MYO9B: variants seen among roughly 807,000 people sequenced by gnomAD.
MYO9B encodes unconventional myosin-IXb.
MYO9B carries 71 observed loss-of-function variants against 229.5 expected under a neutral mutation model. That is an observed-to-expected ratio of 0.31 (90% CI 0.26 to 0.38). The LOEUF is 0.38. MYO9B is among the 10% of genes least tolerant of loss of function. MYO9B has a pLI of 1.00. For synonymous variants in MYO9B, 1,185 were observed against 1,235.8 expected (o/e 0.96, Z 0.86); for missense variants, 2,255 against 2,920.5 (o/e 0.77, Z 5.25).
intron 1 of MYO9B, among the ~76,000 whole-genome samples, chr19:17,092,211 C>G (rs1223104062): frequency 6.6e-6 from 1 of 152,192 alleles, no homozygotes; most frequent in African/African-American, 2.4e-5. Context: ...TAGGCATATC[C>G]CAGTGAGTTT....
chr19:17,163,832 A>G lies in MYO9B; in HGVS notation c.1671+710A>G, dbSNP rs565039692. On this transcript the variant is annotated intron_variant, in intron 10 of 39. Coordinates refer to ENST00000682292, the MANE Select transcript of MYO9B (RefSeq NM_004145.4). ...ATTTCCTTCCTTTTCAAGGCTGAGTAATATTCCATTTTCTGGATGTACCAC... is the reference window on the plus strand; with the variant it reads ...ATTTCCTTCCTTTTCAAGGCTGAGTGATATTCCATTTTCTGGATGTACCAC... 2.0e-5 allele frequency among the ~76,000 whole-genome samples: 3 copies of G among 152,306 alleles called. No homozygotes were observed. The South Asian group carries it at 6.2e-4, about 32-fold the overall frequency.
At chr19:17,153,412 A>C (rs975817983) in intron 4 of MYO9B, among the ~76,000 whole-genome samples, 7 of 149,976 alleles carry the variant, frequency 4.7e-5, no homozygotes, top group African/African-American at 1.7e-4. Context: ...AAAGGCCTGG[A>C]GCAGTGGCTC....
At chr19:17,078,398 G>A (rs1227197035) in intron 1 of MYO9B, among the ~76,000 whole-genome samples, 1 of 152,096 alleles carries the variant, frequency 6.6e-6, no homozygotes, top group Non-Finnish European at 1.5e-5. Flanking sequence ...AAATTAGCCC[G>A]GCGTGGTGAT....
chr19:17,112,190 G>A (rs1340992013), intron 2 of MYO9B, among the ~76,000 whole-genome samples: 1 of 152,148 alleles, frequency 6.6e-6, no homozygotes, highest in African/African-American at 2.4e-5. Flanking sequence ...AGGATCCCCT[G>A]GAGACTGTCA....
At chr19:17,210,509 G>A (rs1330895613) in intron 37 of MYO9B, 129 bp downstream of exon 37, 2 of 1,293,916 alleles carry the variant, frequency 1.5e-6, no homozygotes, top group South Asian at 1.6e-5. Flanking sequence ...GCATGCTGGG[G>A]AGGCCCCTTG....
rs952978243 is a variant in MYO9B, at chr19:17,206,445, C to T, written c.5386+69C>T. The T allele has an allele frequency of 5.6e-5, 88 of 1,560,942 alleles. 1 individual carries two copies. The African/African-American group carries it at 8.2e-4, about 15-fold the overall frequency. ...AGGATACAGCGTTCGCTGTGACCAG[C>T]CCAGGAGGCAGGACCACCCAGTTCA... On this transcript the variant is annotated intron_variant, in intron 33 of 39. Coordinates refer to ENST00000682292, the MANE Select transcript of MYO9B (RefSeq NM_004145.4).
chr19:17,208,424 A>G (rs775623254), intron 35 of MYO9B, among the ~76,000 whole-genome samples: 9 of 149,454 alleles, frequency 6.0e-5, no homozygotes, highest in African/African-American at 2.2e-4. Context: ...CCATTGTACT[A>G]AAACAGAACT....
At chr19:17,188,450 A>G (rs960203888) in intron 19 of MYO9B, among the ~76,000 whole-genome samples, 6 of 137,270 alleles carry the variant, frequency 4.4e-5, no homozygotes, top group African/African-American at 1.6e-4. Context: ...AAAAAAAAAA[A>G]GAAGAAACCC....
intron 3 of MYO9B, among the ~76,000 whole-genome samples, chr19:17,147,717 C>T (rs1373235953): frequency 1.1e-5 from 1 of 91,976 alleles, no homozygotes; most frequent in Non-Finnish European, 1.9e-5. Flanking sequence ...CAGAGTTTCG[C>T]TCTTATTGCC....
At chr19:17,162,309 C>G in intron 8 of MYO9B, 41 bp from the exon 9 acceptor site, 1 of 1,493,556 alleles carries the variant, frequency 6.7e-7, no homozygotes, top group South Asian at 1.2e-5. Flanking sequence ...CAGCGCAGGG[C>G]CTGCCGTGCC....
chr19:17,187,571 C>CT (rs1338627196), intron 18 of MYO9B, among the ~76,000 whole-genome samples: 2 of 94,098 alleles, frequency 2.1e-5, no homozygotes, highest in Non-Finnish European at 3.8e-5. Context: ...TTTTTTCTTT[C>CT]TTTTTTTTTT....
intron 2 of MYO9B, among the ~76,000 whole-genome samples, chr19:17,134,982 TCGAACTCCTGA>T (rs895825204): frequency 6.7e-6 from 1 of 148,972 alleles, no homozygotes; most frequent in Non-Finnish European, 1.5e-5. Context: ...CAGGCTGGTC[TCGAACTCCTGA>T]CCTCAAGTGA....
chr19:17,165,521 C>A (rs2072649168), intron 10 of MYO9B, among the ~76,000 whole-genome samples: 1 of 151,638 alleles, frequency 6.6e-6, no homozygotes, highest in African/African-American at 2.4e-5. Context: ...GCTGCAGTGA[C>A]CTATGATCAC....
chr19:17,088,502 G>C (rs1027182002), intron 1 of MYO9B, among the ~76,000 whole-genome samples: 3 of 152,116 alleles, frequency 2.0e-5, no homozygotes, highest in Non-Finnish European at 4.4e-5. Flanking sequence ...TCCCCCAGCT[G>C]CTCCCCGAGG....
intron 2 of MYO9B, among the ~76,000 whole-genome samples, chr19:17,121,860 C>G (rs1003740595): frequency 1.3e-5 from 2 of 151,962 alleles, no homozygotes; most frequent in African/African-American, 2.4e-5. Flanking sequence ...GTGCTGCGTG[C>G]CTGTAGTTCC....
intron 2 of MYO9B, 36 bp downstream of exon 2, chr19:17,102,593 C>T: frequency 1.3e-6 from 2 of 1,507,862 alleles, no homozygotes; most frequent in Non-Finnish European, 1.8e-6. Flanking sequence ...TGGGAGGGGG[C>T]ATTTGTTTGG....
At chr19:17,117,647 A>G (rs1347005384) in intron 2 of MYO9B, among the ~76,000 whole-genome samples, 1 of 152,170 alleles carries the variant, frequency 6.6e-6, no homozygotes, top group East Asian at 1.9e-4. Flanking sequence ...GTGTCATTAC[A>G]GTATTCTCAG....
Position 17,202,804 on chromosome 19 carries a change from G to A in MYO9B, c.4837-38G>A, listed in dbSNP as rs149650225. On this transcript the variant is annotated intron_variant, in intron 28 of 39. Transcript: ENST00000682292. ...AGGGGTGGGTTGGGGCTCTTCCCAG[G>A]GGGGCCCCCGCCAACCTCCTCCTTG... 2,046 of 1,563,594 alleles carry A rather than the reference G, an allele frequency of 1.3e-3. 20 individuals are homozygous for A. The African/African-American group carries it at 0.025, about 19-fold the overall frequency.
chr19:17,208,852 G>A (rs578086724), intron 35 of MYO9B, among the ~76,000 whole-genome samples: 429 of 151,774 alleles, frequency 2.8e-3, no homozygotes, highest in African/African-American at 9.8e-3. Context: ...CTCTGGTACT[G>A]ACCACTCCAG....
Sources: allele counts gnomAD v4.1 joint callset (sites outside exome capture counted in the v4.1 genomes callset), GRCh38; gene constraint gnomAD v4.1.1; transcripts MANE v1.5; gene names NCBI Gene and HGNC (gene_info 2026-07-23, HGNC 2026-07-21).